The following STEAP3 variants were observed in gnomAD, a reference collection of about 807,000 sequenced individuals.
STEAP3 encodes the protein STEAP3 metalloreductase.
Under a neutral mutation model 34.9 loss-of-function variants are expected in STEAP3, and 35 were observed. That is an observed-to-expected ratio of 1.00 (90% CI 0.76 to 1.33). The LOEUF (loss-of-function observed/expected upper bound fraction) is 1.33. STEAP3 is among the 40% of genes most tolerant of loss of function. The pLI is 0.00. For synonymous variants in STEAP3, 281 were observed against 301.6 expected (o/e 0.93, Z 0.71); for missense variants, 652 against 667.6 (o/e 0.98, Z 0.26).
Position 119,231,449 on chromosome 2 carries a change from T to G in STEAP3, c.22+415T>G, listed in dbSNP as rs1159471800. 3.3e-5 allele frequency among the ~76,000 whole-genome samples: 5 copies of G among 151,970 alleles called. No individual in the cohort carries two copies. In the East Asian group the frequency reaches 9.7e-4, roughly 29 times the overall value. ...CAGGCCCATTGGGAATTGTAAATTT[T>G]TCTTATTGGTAACCATTTCTGCATT... On this transcript the variant is annotated intron_variant, in intron 2 of 5. Transcript: ENST00000393110.
chr2:119,237,925 G>A (rs1677138051), intron 2 of STEAP3, among the ~76,000 whole-genome samples: 1 of 152,192 alleles, frequency 6.6e-6, no homozygotes, highest in Admixed American at 6.5e-5. Context: ...GTGTAATTAT[G>A]TAATGTCTGG....
intron 1 of STEAP3, 140 bp downstream of exon 1, chr2:119,224,028 G>A (rs1678953809): frequency 6.6e-6 from 1 of 152,310 alleles, no homozygotes; most frequent in African/African-American, 2.4e-5. Context: ...TGTCCCCTGG[G>A]ACCGAGCCAC....
At position 119,230,887 on chromosome 2, in the gene STEAP3, C is replaced by T. The variant is rs1216471820; in HGVS notation, c.-126C>T. On this transcript the variant is annotated 5_prime_UTR_variant, in exon 2 of 6. Coordinates refer to ENST00000393110, the MANE Select transcript of STEAP3 (RefSeq NM_182915.3). ...CAAGACCCTGGCAGGGCCCTCGCCTCCTGAGAAACCGAGAGTCAGAACCAA... is the reference window on the plus strand; with the variant it reads ...CAAGACCCTGGCAGGGCCCTCGCCTTCTGAGAAACCGAGAGTCAGAACCAA... 1.5e-6 allele frequency: 2 copies of T among 1,348,028 alleles called. No homozygotes were observed. The highest frequency in any genetic ancestry group is 2.1e-6 in the Non-Finnish European group (2 of 944,968). 83.5% of individuals were successfully genotyped at this position (1,348,028 alleles called of 1,614,324 possible).
chr2:119,261,645 C>T (rs1033372584), intron 5 of STEAP3, among the ~76,000 whole-genome samples: 1 of 152,196 alleles, frequency 6.6e-6, no homozygotes, highest in African/African-American at 2.4e-5. Flanking sequence ...TTACTTATCT[C>T]CCACTGAAGT....
At chr2:119,243,100 A>G (rs1677299467) in intron 2 of STEAP3, among the ~76,000 whole-genome samples, 1 of 152,316 alleles carries the variant, frequency 6.6e-6, no homozygotes, top group Admixed American at 6.5e-5. Flanking sequence ...TGGACTCGGA[A>G]AGCATGATCC....
At chr2:119,257,734 GT>G (rs1193516046) in intron 5 of STEAP3, 1 of 1,384,750 alleles carries the variant, frequency 7.2e-7, no homozygotes, top group African/African-American at 1.5e-5. Context: ...CTAGTGAGAA[GT>G]TACCTGAGCC....
intron 1 of STEAP3, among the ~76,000 whole-genome samples, chr2:119,225,903 G>A (rs1305472650): frequency 6.6e-6 from 1 of 152,260 alleles, no homozygotes; most frequent in African/African-American, 2.4e-5. Flanking sequence ...AGTGTGTGAA[G>A]TGCTGAGTTT....
intron 3 of STEAP3, among the ~76,000 whole-genome samples, chr2:119,247,328 G>A (rs898691618): frequency 9.9e-5 from 15 of 152,212 alleles, no homozygotes; most frequent in South Asian, 2.1e-4. Flanking sequence ...GGCAGGCCAC[G>A]GCCTTGGAGA....
intron 2 of STEAP3, among the ~76,000 whole-genome samples, chr2:119,239,177 A>T (rs1044486062): frequency 5.3e-5 from 8 of 152,134 alleles, no homozygotes; most frequent in African/African-American, 1.9e-4. Context: ...CAGTGAGAAG[A>T]TACTCAGAGT....
In STEAP3 at chr2:119,248,144, A is replaced by G; in HGVS notation, c.988A>G (p.Ser330Gly). ...FFCAALHALYSFCLPLRRAHR... is the reference protein window; with the variant it reads ...FFCAALHALYGFCLPLRRAHR... The stretch of plus-strand genomic sequence containing the variant: ...CTGCGCCGCCCTGCACGCCCTCTAC[A>G]GCTTCTGCTTGCCGCTGCGCCGCGC... Residue 330 changes from serine (S) to glycine (G), a missense_variant, in exon 4 of 6, where the codon AGC becomes GGC. Physicochemically the swap from Ser to Gly is moderately conservative, Grantham distance 56. Coordinates refer to ENST00000393110, the MANE Select transcript of STEAP3 (RefSeq NM_182915.3). The G allele has an allele frequency of 6.2e-7, 1 of 1,607,406 alleles. No individual in the cohort carries two copies. Among genetic ancestry groups the G allele is most frequent in the Non-Finnish European group, 8.5e-7 (1 of 1,179,068 alleles).
intron 2 of STEAP3, among the ~76,000 whole-genome samples, chr2:119,240,573 G>T (rs1677218324): frequency 1.3e-5 from 2 of 152,268 alleles, no homozygotes; most frequent in South Asian, 4.1e-4. Context: ...AGAGCAGACA[G>T]GAGCTGGCAG....
At chr2:119,241,643 G>C (rs1013462099) in intron 2 of STEAP3, among the ~76,000 whole-genome samples, 1 of 152,278 alleles carries the variant, frequency 6.6e-6, no homozygotes, top group East Asian at 1.9e-4. Context: ...GAGGCCCAGG[G>C]ACCTCCTATG....
chr2:119,258,391 G>A (rs1191795968), intron 5 of STEAP3, among the ~76,000 whole-genome samples: 3 of 152,048 alleles, frequency 2.0e-5, no homozygotes, highest in Admixed American at 2.0e-4. Context: ...TCCTGGGAAT[G>A]CAGCCCAGTA....
intron 1 of STEAP3, among the ~76,000 whole-genome samples, chr2:119,226,434 A>G (rs899678621): frequency 1.3e-5 from 2 of 152,156 alleles, no homozygotes; most frequent in Non-Finnish European, 2.9e-5. Context: ...TTAAGTAGTT[A>G]TTAAAACCTA....
chr2:119,260,947 T>C (rs1174557333), intron 5 of STEAP3, among the ~76,000 whole-genome samples: 2 of 152,140 alleles, frequency 1.3e-5, no homozygotes, highest in African/African-American at 2.4e-5. Context: ...TGAGGAAGGA[T>C]AGAGAAGGTT....
chr2:119,245,074 A>G (rs1286206937), intron 2 of STEAP3: 7 of 182,408 alleles, frequency 3.8e-5, no homozygotes, highest in Non-Finnish European at 5.9e-5. Flanking sequence ...GTCATCAAAC[A>G]CCCAGCGATG....
chr2:119,229,837 A>T (rs1308719187), intron 1 of STEAP3, among the ~76,000 whole-genome samples: 1 of 148,724 alleles, frequency 6.7e-6, no homozygotes, highest in African/African-American at 2.5e-5. Context: ...GACTGGAAGG[A>T]GGGGTAGTGG....
rs534754175 is a variant in STEAP3 at position 119,228,469 on chromosome 2, G to A, written c.-393-2151G>A. Reference sequence around the variant, plus strand: ...TCCATCAAATCGCCCCAACCTGGGTGAAAGGCCAGAGCAGCTGCGGGAAGT... The same window carrying A: ...TCCATCAAATCGCCCCAACCTGGGTAAAAGGCCAGAGCAGCTGCGGGAAGT... On this transcript the variant is annotated intron_variant, in intron 1 of 5. Transcript: ENST00000393110. 2.0e-5 allele frequency among the ~76,000 whole-genome samples: 3 copies of A among 152,340 alleles called. No homozygotes were observed. In the South Asian group the frequency reaches 6.2e-4, roughly 32 times the overall value.
chr2:119,250,160 T>C (rs1053947773), intron 4 of STEAP3, among the ~76,000 whole-genome samples: 1 of 152,218 alleles, frequency 6.6e-6, no homozygotes, highest in African/African-American at 2.4e-5. Flanking sequence ...GCAAACCAAA[T>C]TCACAATTGA....
Sources: allele counts gnomAD v4.1 joint callset (sites outside exome capture counted in the v4.1 genomes callset), GRCh38; gene constraint gnomAD v4.1.1; transcripts MANE v1.5; gene names NCBI Gene and HGNC (gene_info 2026-07-23, HGNC 2026-07-21).